The following TTLL5 variants were observed in gnomAD, a reference collection of about 807,000 sequenced individuals.
TTLL5 encodes tubulin tyrosine ligase like 5.
A neutral mutation model predicts 168.4 loss-of-function variants in TTLL5; 132 were observed. The observed-to-expected ratio is 0.78, with a 90% CI of 0.68 to 0.91. The LOEUF (loss-of-function observed/expected upper bound fraction) is 0.91. TTLL5 is among the 40% of genes least tolerant of loss of function. The pLI, the probability that TTLL5 is intolerant of heterozygous loss-of-function variation, is 0.00. For synonymous variants in TTLL5, 546 were observed against 558.6 expected (o/e 0.98, Z 0.32); for missense variants, 1,545 against 1,581.5 (o/e 0.98, Z 0.39).
Position 75,874,933 on chromosome 14 carries a change from C to CCTTTTTTTTTTTTTTTTTTTTT in TTLL5, c.3523-7752_3523-7751insCTTTTTTTTTTTTTTTTTTTTT, listed in dbSNP as rs778792332. 4.7e-4 allele frequency among the ~76,000 whole-genome samples: 46 copies of CCTTTTTTTTTTTTTTTTTTTTT among 97,536 alleles called. 3 individuals are homozygous for CCTTTTTTTTTTTTTTTTTTTTT. The highest frequency in any genetic ancestry group is 2.0e-3 in the African/African-American group (40 of 20,374). 64.0% of individuals were successfully genotyped at this position (97,536 alleles called of 152,430 possible). A position where few individuals can be genotyped will look rare whatever the true frequency, so the allele number is the denominator to read the frequency against. Reference sequence around the variant, plus strand: ...AGAGAAAAAAAAAGACACTGGGGGCCTTTTTTTTTTTTTTTTTTGAGACGG... The same window carrying CCTTTTTTTTTTTTTTTTTTTTT: ...AGAGAAAAAAAAAGACACTGGGGGCCCTTTTTTTTTTTTTTTTTTTTTTTTTTTTTTTTTTTTTTTGAGACGG... On this transcript the variant is annotated intron_variant, in intron 29 of 31. Coordinates refer to ENST00000298832, the MANE Select transcript of TTLL5 (RefSeq NM_015072.5).
chr14:75,906,410 CTG>C (rs1425497458), intron 31 of TTLL5: 11 of 572,024 alleles, frequency 1.9e-5, no homozygotes, highest in African/African-American at 8.1e-5. Context: ...AAAAGAGAGA[CTG>C]TGAATTGGAA....
rs192702728 is a variant in TTLL5, at chr14:75,912,887, T to C, written c.3823+10663T>C. 8.5e-4 allele frequency among the ~76,000 whole-genome samples: 130 copies of C among 152,310 alleles called. 1 individual carries two copies. Among genetic ancestry groups the C allele is most frequent in the East Asian group, 1.9e-4 (1 of 5,190 alleles). On this transcript the variant is annotated intron_variant, in intron 31 of 31. Coordinates refer to ENST00000298832, the MANE Select transcript of TTLL5 (RefSeq NM_015072.5). Reference sequence around the variant, plus strand: ...CAAAGATAAAATATTATAGTACACGTCAATGAAGACAGTTTTGTGAGGGGA... The same window carrying C: ...CAAAGATAAAATATTATAGTACACGCCAATGAAGACAGTTTTGTGAGGGGA...
chr14:75,673,409 A>G (rs1489292654), intron 3 of TTLL5, among the ~76,000 whole-genome samples: 1 of 152,230 alleles, frequency 6.6e-6, no homozygotes, highest in African/African-American at 2.4e-5. Flanking sequence ...TTCAAAGGTT[A>G]TAACACTGTG....
At chr14:75,908,642 G>A (rs2033243944) in intron 31 of TTLL5, among the ~76,000 whole-genome samples, 1 of 152,228 alleles carries the variant, frequency 6.6e-6, no homozygotes, top group African/African-American at 2.4e-5. Context: ...AGCAAAGCCT[G>A]TGTATGACCC....
chr14:75,703,208 G>A (rs1886407556), intron 7 of TTLL5, among the ~76,000 whole-genome samples: 1 of 152,226 alleles, frequency 6.6e-6, no homozygotes, highest in African/African-American at 2.4e-5. Context: ...GATTTAGGCA[G>A]TGGGGATGGA....
At chr14:75,941,239 A>G (rs1014726290) in intron 31 of TTLL5, among the ~76,000 whole-genome samples, 2 of 152,194 alleles carry the variant, frequency 1.3e-5, no homozygotes, top group Admixed American at 1.3e-4. Flanking sequence ...GTGACAACCC[A>G]GGCAAGGTTT....
At chr14:75,816,430 A>G (rs1894401482) in intron 27 of TTLL5, among the ~76,000 whole-genome samples, 2 of 152,180 alleles carry the variant, frequency 1.3e-5, no homozygotes, top group Non-Finnish European at 2.9e-5. Context: ...AAATAAAACC[A>G]TAATGCAAGA....
chr14:75,805,973 G>T (rs1893629895), intron 27 of TTLL5, among the ~76,000 whole-genome samples: 1 of 151,450 alleles, frequency 6.6e-6, no homozygotes, highest in South Asian at 2.1e-4. Context: ...CCTTTTCACT[G>T]GTTTCTTGGC....
chr14:75,830,862 T>G (rs1403375542), intron 28 of TTLL5, among the ~76,000 whole-genome samples: 2 of 152,192 alleles, frequency 1.3e-5, no homozygotes, highest in Non-Finnish European at 2.9e-5. Flanking sequence ...GCAGTCTTCC[T>G]GCAACCTTCC....
intron 28 of TTLL5, among the ~76,000 whole-genome samples, chr14:75,848,504 T>G (rs1034846736): frequency 6.6e-6 from 1 of 150,546 alleles, no homozygotes; most frequent in African/African-American, 2.5e-5. Flanking sequence ...TCCCTTGATT[T>G]GATAAAAATC....
intron 17 of TTLL5, among the ~76,000 whole-genome samples, chr14:75,751,232 G>C (rs535555259): frequency 6.6e-4 from 101 of 152,262 alleles, no homozygotes; most frequent in South Asian, 5.8e-3. Context: ...AAACTAGCAT[G>C]AATTTCTTTC....
At chr14:75,901,110 C>G (rs1489083440) in intron 30 of TTLL5, among the ~76,000 whole-genome samples, 1 of 152,046 alleles carries the variant, frequency 6.6e-6, no homozygotes, top group African/African-American at 2.4e-5. Flanking sequence ...AAAATCAAGG[C>G]AGATAGACCC....
chr14:75,726,607 C>G (rs1423198734), intron 12 of TTLL5, among the ~76,000 whole-genome samples: 1 of 152,040 alleles, frequency 6.6e-6, no homozygotes, highest in African/African-American at 2.4e-5. Context: ...CTAGCTGTGC[C>G]TAGGGGATCC....
intron 30 of TTLL5, among the ~76,000 whole-genome samples, chr14:75,885,004 A>G (rs2032032347): frequency 6.7e-6 from 1 of 150,062 alleles, no homozygotes; most frequent in Admixed American, 6.6e-5. Flanking sequence ...CCCTGTCTCT[A>G]CTAAAAATAC....
intron 31 of TTLL5, among the ~76,000 whole-genome samples, chr14:75,907,440 G>C (rs2033190428): frequency 6.6e-6 from 1 of 152,180 alleles, no homozygotes; most frequent in Non-Finnish European, 1.5e-5. Flanking sequence ...CCTACACACT[G>C]ATGCATTAAC....
rs755556648 is a variant in TTLL5 at position 75,720,649 on chromosome 14, C to G, written c.988C>G (p.Leu330Val). 6.2e-7 allele frequency: 1 copy of G among 1,613,624 alleles called. No homozygotes were observed. The highest frequency in any genetic ancestry group is 1.3e-5 in the African/African-American group (1 of 74,908). Residue 330 changes from leucine to valine, a missense_variant, in exon 12 of 32, where the codon CTA (leucine) becomes GTA (valine). Coordinates refer to ENST00000298832, the MANE Select transcript of TTLL5 (RefSeq NM_015072.5). ...CATTAAGACTATAATCTCTGCTGAA[C>G]TAGCTATTGCTACTGCCTGTAAAAC... ...LIIKTIISAE[L>V]AIATACKTFV... is the part of the protein sequence containing the mutation.
At chr14:75,771,973 G>C in intron 21 of TTLL5, 119 bp downstream of exon 21, 1 of 1,152,348 alleles carries the variant, frequency 8.7e-7, no homozygotes, top group Non-Finnish European at 1.2e-6. Context: ...GGATTATTAT[G>C]TAAGAAGGTT....
intron 29 of TTLL5, among the ~76,000 whole-genome samples, chr14:75,880,836 G>A (rs1299883500): frequency 6.6e-6 from 1 of 152,172 alleles, no homozygotes; most frequent in Non-Finnish European, 1.5e-5. Flanking sequence ...GGACCATCCG[G>A]AAACCTCCCC....
At chr14:75,815,710 T>C (rs888897159) in intron 27 of TTLL5, among the ~76,000 whole-genome samples, 1 of 152,220 alleles carries the variant, frequency 6.6e-6, no homozygotes, top group African/African-American at 2.4e-5. Context: ...TAAAAATCTC[T>C]AATAATTAAG....
Sources: allele counts gnomAD v4.1 joint callset (sites outside exome capture counted in the v4.1 genomes callset), GRCh38; gene constraint gnomAD v4.1.1; transcripts MANE v1.5; gene names NCBI Gene and HGNC (gene_info 2026-07-23, HGNC 2026-07-21).